ARMH3: variants seen among roughly 807,000 people sequenced by gnomAD.
ARMH3 encodes the protein armadillo like helical domain containing 3.
A neutral mutation model predicts 99.1 loss-of-function variants in ARMH3; 60 were observed. The observed-to-expected ratio is 0.61, with a 90% CI of 0.49 to 0.75. The LOEUF is 0.75. Among genes scored for constraint, ARMH3 ranks in the 30% least tolerant of loss-of-function variants. The pLI, the probability that ARMH3 is intolerant of heterozygous loss-of-function variation, is 0.00. For synonymous variants in ARMH3, 285 were observed against 292.8 expected, an observed-to-expected ratio of 0.97 and a Z score of 0.27; for missense variants, 679 against 843.1, an observed-to-expected ratio of 0.81 and a Z score of 2.41.
At chr10:101,874,851 C>G (rs552745753) in intron 24 of ARMH3, among the ~76,000 whole-genome samples, 1 of 152,200 alleles carries the variant, frequency 6.6e-6, no homozygotes, top group South Asian at 2.1e-4. Context: ...ATCTGTCCTT[C>G]TTAGGCTTAC....
At chr10:101,884,055 G>A (rs2067483114) in intron 24 of ARMH3, among the ~76,000 whole-genome samples, 2 of 151,884 alleles carry the variant, frequency 1.3e-5, no homozygotes, top group African/African-American at 4.8e-5. Flanking sequence ...CAGGCCACTA[G>A]CGAGGGACAA....
chr10:102,014,051 G>C, intron 8 of ARMH3, 27 bp from the exon 9 acceptor site: 1 of 1,581,230 alleles, frequency 6.3e-7, no homozygotes. Context: ...GAGACTCCAG[G>C]TAAGTCTGAC....
intron 23 of ARMH3, among the ~76,000 whole-genome samples, chr10:101,928,608 G>A (rs529665383): frequency 2.7e-4 from 41 of 152,282 alleles, no homozygotes; most frequent in African/African-American, 8.4e-4. Context: ...GTTTGAGGCC[G>A]CAATGAGCTA....
chr10:101,878,438 C>T (rs941673938), intron 24 of ARMH3, among the ~76,000 whole-genome samples: 1 of 151,132 alleles, frequency 6.6e-6, no homozygotes, highest in Non-Finnish European at 1.5e-5. Context: ...AGTTTGAGAC[C>T]AGCCTAGCCT....
At chr10:101,986,924 G>A (rs1056992463) in intron 19 of ARMH3, among the ~76,000 whole-genome samples, 3 of 152,090 alleles carry the variant, frequency 2.0e-5, no homozygotes, top group Non-Finnish European at 4.4e-5. Context: ...CTAACCCCAG[G>A]GCAGTAAATT....
intron 23 of ARMH3, among the ~76,000 whole-genome samples, chr10:101,911,005 T>C (rs184768498): frequency 5.9e-5 from 9 of 151,888 alleles, no homozygotes; most frequent in African/African-American, 1.9e-4. Flanking sequence ...CCAGATGAGG[T>C]GGCAGGCGCC....
intron 24 of ARMH3, among the ~76,000 whole-genome samples, chr10:101,862,805 A>G (rs906241798): frequency 6.6e-6 from 1 of 152,198 alleles, no homozygotes; most frequent in Non-Finnish European, 1.5e-5. Flanking sequence ...GTAGTTTTTA[A>G]CTCAGTTATA....
At position 101,957,699 on chromosome 10, in the gene ARMH3, T is replaced by A; in HGVS notation, c.1529A>T (p.Asn510Ile). The A allele has an allele frequency of 6.2e-7, 1 of 1,607,246 alleles. No homozygotes were observed. Among genetic ancestry groups the A allele is most frequent in the African/African-American group, 1.3e-5 (1 of 74,174 alleles). ...GTGTTTGGCCAAAAGTACAGTCTCA[T>A]TTGACATAAGGAACTTCAGCAAATT... ...LINLLKFLMS[N>I]ETVLLAKHNI... The change falls in exon 21 of 26, where the codon AAT (asparagine) becomes ATT (isoleucine). Residue 510 changes from asparagine (N) to isoleucine (I), a missense_variant. Physicochemically the swap from Asn to Ile is moderately radical, Grantham distance 149 (BLOSUM62 -3). Transcript: ENST00000370033.
At chr10:101,910,900 G>A (rs1215910707) in intron 23 of ARMH3, among the ~76,000 whole-genome samples, 1 of 151,914 alleles carries the variant, frequency 6.6e-6, no homozygotes, top group African/African-American at 2.4e-5. Flanking sequence ...AGCACTTTGG[G>A]AGGCCAAGGC....
At chr10:101,851,957 C>T (rs923751602) in intron 24 of ARMH3, among the ~76,000 whole-genome samples, 1 of 152,208 alleles carries the variant, frequency 6.6e-6, no homozygotes, top group African/African-American at 2.4e-5. Context: ...GTGGGCTGCA[C>T]TCGTGGCTGG....
chr10:101,938,149 G>A (rs752456562), intron 23 of ARMH3, among the ~76,000 whole-genome samples: 1 of 152,288 alleles, frequency 6.6e-6, no homozygotes, highest in South Asian at 2.1e-4. Context: ...GATTACAGGC[G>A]TGAGCCACTG....
At chr10:101,973,435 T>C (rs1318109516) in intron 20 of ARMH3, among the ~76,000 whole-genome samples, 2 of 151,604 alleles carry the variant, frequency 1.3e-5, no homozygotes, top group Non-Finnish European at 1.5e-5. Context: ...CTAGAGTTTA[T>C]GACACATGTA....
chr10:102,042,331 C>A (rs912049136), intron 1 of ARMH3, among the ~76,000 whole-genome samples: 1 of 152,178 alleles, frequency 6.6e-6, no homozygotes, highest in East Asian at 1.9e-4. Flanking sequence ...GTGATAAGTA[C>A]ATGTTTACAA....
intron 23 of ARMH3, among the ~76,000 whole-genome samples, chr10:101,930,153 G>C (rs902291504): frequency 6.6e-6 from 1 of 151,956 alleles, no homozygotes; most frequent in African/African-American, 2.4e-5. Flanking sequence ...GGAATGCAAG[G>C]TTTAACATCT....
At chr10:101,992,348 A>G (rs566980883) in intron 17 of ARMH3, among the ~76,000 whole-genome samples, 1 of 152,330 alleles carries the variant, frequency 6.6e-6, no homozygotes, top group South Asian at 2.1e-4. Context: ...AAGTGGCATT[A>G]CTAACGACAA....
intron 23 of ARMH3, among the ~76,000 whole-genome samples, chr10:101,929,972 A>G (rs529445619): frequency 1.3e-5 from 2 of 152,172 alleles, no homozygotes; most frequent in Non-Finnish European, 2.9e-5. Context: ...TGAAACACAA[A>G]TTGTTCCAAT....
At chr10:101,986,982 C>T (rs754793980) in intron 19 of ARMH3, among the ~76,000 whole-genome samples, 14 of 152,272 alleles carry the variant, frequency 9.2e-5, no homozygotes, top group Admixed American at 2.0e-4. Context: ...AAGATAAAAA[C>T]TCTTTTGAGG....
rs140322421 is a variant in ARMH3 at position 101,935,282 on chromosome 10, C to G, written c.1781+4581G>C. ...GGCCCTGTTTGTGTTCCAATAAAGA[C>G]AGCAGTTTCTAAGCAGCTGCATTTT... On this transcript the variant is annotated intron_variant, in intron 23 of 25. Transcript: ENST00000370033. 4.6e-3 allele frequency among the ~76,000 whole-genome samples: 688 copies of G among 151,118 alleles called. 7 individuals carry two copies. Among genetic ancestry groups the G allele is most frequent in the African/African-American group, 0.016 (666 of 41,194 alleles).
intron 2 of ARMH3, among the ~76,000 whole-genome samples, chr10:102,038,272 T>A (rs1236178489): frequency 6.6e-6 from 1 of 151,780 alleles, no homozygotes; most frequent in African/African-American, 2.4e-5. Flanking sequence ...TTTTTTGTAT[T>A]TTTAGTAGAG....
Sources: allele counts gnomAD v4.1 joint callset (sites outside exome capture counted in the v4.1 genomes callset), GRCh38; gene constraint gnomAD v4.1.1; transcripts MANE v1.5; gene names NCBI Gene and HGNC (gene_info 2026-07-23, HGNC 2026-07-21).